The following PDGFD variants were observed in gnomAD, a reference collection of about 807,000 sequenced individuals.
PDGFD encodes platelet derived growth factor D, also known as platelet-derived growth factor D.
In PDGFD, 30 loss-of-function variants were observed where a neutral mutation model predicts 44.7. That is an observed-to-expected ratio of 0.67 (90% CI 0.50 to 0.91). PDGFD has a LOEUF of 0.91. Among genes scored for constraint, PDGFD ranks in the 40% least tolerant of loss-of-function variants. The pLI is 0.00. For synonymous variants in PDGFD, 173 were observed against 168.4 expected, an observed-to-expected ratio of 1.03 and a Z score of -0.21; for missense variants, 445 against 457.8, an observed-to-expected ratio of 0.97 and a Z score of 0.25.
chr11:104,123,947 C>G (rs557028867), intron 1 of PDGFD, among the ~76,000 whole-genome samples: 1 of 151,856 alleles, frequency 6.6e-6, no homozygotes, highest in East Asian at 1.9e-4. Context: ...GTATGAAACA[C>G]AGAAGGAAGA....
intron 1 of PDGFD, among the ~76,000 whole-genome samples, chr11:104,122,765 A>C (rs1861794922): frequency 1.3e-5 from 2 of 152,098 alleles, no homozygotes; most frequent in African/African-American, 4.8e-5. Flanking sequence ...TTGTGAAAGG[A>C]AAATACACAT....
chr11:104,119,766 TATG>T lies in PDGFD; in HGVS notation c.124+44035_124+44037del, dbSNP rs1234808186. Among the ~76,000 whole-genome samples the T allele has an allele frequency of 4.5e-5, 5 of 110,448 alleles. No individual in the cohort carries two copies. In the East Asian group the frequency reaches 1.0e-3, roughly 23 times the overall value. The allele number at this position is 110,448 out of a possible 152,430, so 72.5% of individuals were successfully genotyped here. A position where few individuals can be genotyped will look rare whatever the true frequency, so the allele number is the denominator to read the frequency against. On this transcript the variant is annotated intron_variant, in intron 1 of 6. Coordinates refer to ENST00000393158, the MANE Select transcript of PDGFD (RefSeq NM_025208.5). Reference sequence around the variant, plus strand: ...ATATATTATATATTTATATATAATATATGATAAAATATAATATATAAGAAATTA... The same window carrying T: ...ATATATTATATATTTATATATAATATATAAAATATAATATATAAGAAATTA...
In PDGFD at chr11:103,999,492, C is replaced by G. The variant is rs922339079; in HGVS notation, c.329+559G>C. 3.9e-5 allele frequency among the ~76,000 whole-genome samples: 6 copies of G among 152,056 alleles called. No homozygotes were observed. In the East Asian group the frequency reaches 7.7e-4, roughly 20 times the overall value. On this transcript the variant is annotated intron_variant, in intron 2 of 6. Coordinates refer to ENST00000393158, the MANE Select transcript of PDGFD (RefSeq NM_025208.5). The stretch of plus-strand genomic sequence containing the variant: ...GACCCAGAAACTGCAAGAAACAGAC[C>G]CTTCTGAGGAGCACAGGGAATCTGG...
chr11:103,988,068 G>A (rs1859397199), intron 3 of PDGFD, among the ~76,000 whole-genome samples: 1 of 151,936 alleles, frequency 6.6e-6, no homozygotes, highest in South Asian at 2.1e-4. Flanking sequence ...TTAATACCAA[G>A]GTTTCACTTC....
chr11:104,145,185 C>G (rs1421559908), intron 1 of PDGFD, among the ~76,000 whole-genome samples: 1 of 152,156 alleles, frequency 6.6e-6, no homozygotes, highest in Non-Finnish European at 1.5e-5. Context: ...TGGATTTCAG[C>G]TGAGGTCTTG....
chr11:104,074,670 T>A (rs1430184075), intron 1 of PDGFD, among the ~76,000 whole-genome samples: 1 of 152,080 alleles, frequency 6.6e-6, no homozygotes, highest in East Asian at 1.9e-4. Flanking sequence ...AACCAGCAAC[T>A]CTATGGATGA....
intron 1 of PDGFD, among the ~76,000 whole-genome samples, chr11:104,127,307 G>A (rs921458824): frequency 5.3e-5 from 8 of 152,024 alleles, no homozygotes; most frequent in Non-Finnish European, 4.4e-5. Flanking sequence ...CCCACCCATC[G>A]ACCTTCTGAT....
intron 1 of PDGFD, among the ~76,000 whole-genome samples, chr11:104,112,783 A>G (rs1326897643): frequency 1.3e-5 from 2 of 152,140 alleles, no homozygotes; most frequent in Non-Finnish European, 2.9e-5. Context: ...AGGAAAACAA[A>G]TAACACATGG....
intron 1 of PDGFD, among the ~76,000 whole-genome samples, chr11:104,001,442 C>G (rs900568023): frequency 2.6e-5 from 4 of 152,176 alleles, no homozygotes; most frequent in African/African-American, 9.7e-5. Context: ...GTTGTTCTAG[C>G]AAATATCAAA....
chr11:103,987,481 A>G (rs1275394937), intron 3 of PDGFD, among the ~76,000 whole-genome samples: 1 of 152,132 alleles, frequency 6.6e-6, no homozygotes, highest in African/African-American at 2.4e-5. Flanking sequence ...AAGACTGTGT[A>G]AGTGTACCCA....
Position 103,927,145 on chromosome 11 carries a change from A to C in PDGFD, c.773-19T>G. 6.2e-7 allele frequency: 1 copy of C among 1,604,800 alleles called. No homozygotes were observed. The highest frequency in any genetic ancestry group is 8.5e-7 in the Non-Finnish European group (1 of 1,171,736). ...AGGTCAACTGTAAGCAAATACATGC[A>C]CTGTGTAAGCAAACACAACAGTAAG... On this transcript the variant is annotated intron_variant, in intron 5 of 6. Transcript: ENST00000393158.
Position 104,069,794 on chromosome 11 carries a change from A to G in PDGFD, c.125-69539T>C, listed in dbSNP as rs535165034. On this transcript the variant is annotated intron_variant, in intron 1 of 6. Transcript: ENST00000393158. Reference sequence around the variant, plus strand: ...AGAATGGCGTGAACCCGGGAGGCGGAGCTTGCAGTGAGTCTAGCTCGTGCC... The same window carrying G: ...AGAATGGCGTGAACCCGGGAGGCGGGGCTTGCAGTGAGTCTAGCTCGTGCC... Among the ~76,000 whole-genome samples the G allele has an allele frequency of 2.6e-5, 4 of 152,322 alleles. No individual in the cohort carries two copies. In the East Asian group the frequency reaches 7.7e-4, roughly 29 times the overall value.
chr11:104,076,068 T>C (rs928603927), intron 1 of PDGFD, among the ~76,000 whole-genome samples: 1 of 152,094 alleles, frequency 6.6e-6, no homozygotes, highest in Non-Finnish European at 1.5e-5. Context: ...CTTATAATAG[T>C]GAGTGAATTC....
intron 1 of PDGFD, among the ~76,000 whole-genome samples, chr11:104,010,454 C>T (rs1050933347): frequency 6.6e-5 from 10 of 152,046 alleles, no homozygotes; most frequent in Admixed American, 6.6e-4. Flanking sequence ...AATTATTATT[C>T]TTCACCTCAC....
intron 1 of PDGFD, among the ~76,000 whole-genome samples, chr11:104,016,043 G>C (rs1948122): frequency 6.6e-6 from 1 of 151,978 alleles, no homozygotes; most frequent in Non-Finnish European, 1.5e-5. Flanking sequence ...TTTACACATA[G>C]GCAGAGGTCT....
At chr11:104,006,924 C>T (rs1031858797) in intron 1 of PDGFD, among the ~76,000 whole-genome samples, 2 of 152,168 alleles carry the variant, frequency 1.3e-5, no homozygotes, top group Non-Finnish European at 2.9e-5. Context: ...GACCTGGGTA[C>T]CAAGAGGGCA....
intron 1 of PDGFD, among the ~76,000 whole-genome samples, chr11:104,005,552 T>C (rs1055162429): frequency 2.6e-5 from 4 of 152,232 alleles, no homozygotes; most frequent in Non-Finnish European, 4.4e-5. Flanking sequence ...CAAAGTCACA[T>C]TCCTAAACAA....
Position 104,139,929 on chromosome 11 carries a change from G to A in PDGFD, c.124+23875C>T, listed in dbSNP as rs1456444108. Reference sequence around the variant, plus strand: ...CAAAAAATTAGCCGGGCGCGGTGGCGGGCGCCTGTAGTCCCAGCTACTCGG... The same window carrying A: ...CAAAAAATTAGCCGGGCGCGGTGGCAGGCGCCTGTAGTCCCAGCTACTCGG... On this transcript the variant is annotated intron_variant, in intron 1 of 6. Transcript: ENST00000393158. 8.1e-5 allele frequency among the ~76,000 whole-genome samples: 6 copies of A among 74,302 alleles called. 3 individuals are homozygous for A. In the East Asian group the frequency reaches 2.1e-3, roughly 26 times the overall value. 48.7% of individuals were successfully genotyped at this position (74,302 alleles called of 152,430 possible).
chr11:104,160,701 C>T (rs183409792), intron 1 of PDGFD, among the ~76,000 whole-genome samples: 14 of 152,272 alleles, frequency 9.2e-5, no homozygotes, highest in African/African-American at 3.4e-4. Context: ...CTCATGTTCT[C>T]CTGGAGACGG....
Sources: gnomAD v4.1 joint callset for allele counts (sites outside exome capture counted in the v4.1 genomes callset) on GRCh38, gnomAD v4.1.1 for gene constraint, MANE v1.5 for transcripts, NCBI Gene and HGNC (gene_info 2026-07-23, HGNC 2026-07-21) for gene names.